Variants in RELL1 observed in about 807,000 individuals in gnomAD.
RELL1 encodes the protein RELT-like protein 1.
In RELL1, 10 loss-of-function variants were observed where a neutral mutation model predicts 23.0. That is an observed-to-expected ratio of 0.43 (90% confidence interval 0.27 to 0.74). RELL1 has a LOEUF of 0.74. RELL1 is among the 30% of genes least tolerant of loss of function. The pLI is 0.19. For missense variants in RELL1, 315 were observed against 364.4 expected (o/e 0.86, Z 1.10); for synonymous variants, 146 against 146.8 (o/e 0.99, Z 0.04).
In RELL1 at chr4:37,679,307, T is replaced by G. The variant is rs567858957; in HGVS notation, c.88+6893A>C. Among the ~76,000 whole-genome samples, 5 of 152,362 alleles carry G rather than the reference T, an allele frequency of 3.3e-5. No individual in the cohort carries two copies. In the East Asian group the frequency reaches 5.8e-4, roughly 18 times the overall value. On this transcript the variant is annotated intron_variant, in intron 1 of 6. Transcript: ENST00000454158. ...TGGAATAAACAAAATCTTAGTTTTT[T>G]GGGGGTACCCTTATTTTCTTAGATT...
At chr4:37,625,769 CA>C (rs1403941551) in intron 6 of RELL1, among the ~76,000 whole-genome samples, 1 of 151,854 alleles carries the variant, frequency 6.6e-6, no homozygotes, top group Non-Finnish European at 1.5e-5. Context: ...ATCCTCACCA[CA>C]AAAAAATGAT....
At chr4:37,672,521 T>G (rs1027044652) in intron 1 of RELL1, among the ~76,000 whole-genome samples, 2 of 152,134 alleles carry the variant, frequency 1.3e-5, no homozygotes, top group Non-Finnish European at 2.9e-5. Context: ...AGATCAACCT[T>G]CTCAATCACA....
At chr4:37,595,412 T>G (rs1718798887) in intron 6 of RELL1, among the ~76,000 whole-genome samples, 2 of 152,200 alleles carry the variant, frequency 1.3e-5, no homozygotes, top group African/African-American at 4.8e-5. Flanking sequence ...ACTAAAAAAA[T>G]GCGTTTGGCC....
At chr4:37,639,447 A>G (rs1336365716) in intron 3 of RELL1, among the ~76,000 whole-genome samples, 1 of 151,868 alleles carries the variant, frequency 6.6e-6, no homozygotes, top group South Asian at 2.1e-4. Context: ...TATGTAATAT[A>G]CGCTAACTTT....
intron 6 of RELL1, among the ~76,000 whole-genome samples, chr4:37,625,453 C>A (rs1454804996): frequency 2.0e-5 from 3 of 152,082 alleles, no homozygotes; most frequent in Admixed American, 2.0e-4. Flanking sequence ...TATTTGCAAA[C>A]CATACATCTT....
Position 37,638,500 on chromosome 4 carries a change from A to T in RELL1, c.390T>A (p.Asn130Lys), listed in dbSNP as rs1408472850. 6.2e-7 allele frequency: 1 copy of T among 1,609,822 alleles called. No homozygotes were observed. Among genetic ancestry groups the T allele is most frequent in the Non-Finnish European group, 8.5e-7 (1 of 1,176,696 alleles). Residue 130 changes from asparagine (N) to lysine (K), a missense_variant, in exon 4 of 7, where the codon AAT becomes AAA. Coordinates refer to ENST00000454158, the MANE Select transcript of RELL1 (RefSeq NM_001085400.2). ...CTACCATCGCCTTTAAGACATCAGC[A>T]TTCGCTAAGGAATAAAAATAAAATT... ...IVHYIMKNEA[N>K]ADVLKAMVAD...
chr4:37,660,780 C>T (rs1379005596), intron 1 of RELL1, among the ~76,000 whole-genome samples: 4 of 152,118 alleles, frequency 2.6e-5, no homozygotes, highest in African/African-American at 9.7e-5. Context: ...GCCTGTAATC[C>T]CAGCACTTTG....
At chr4:37,616,954 C>T (rs561922068) in intron 6 of RELL1, among the ~76,000 whole-genome samples, 1 of 152,376 alleles carries the variant, frequency 6.6e-6, no homozygotes, top group East Asian at 1.9e-4. Context: ...AATCACATCA[C>T]AGAGTATTCA....
chr4:37,611,992 G>A lies in RELL1; in HGVS notation c.*1354C>T, dbSNP rs111985945. Among the ~76,000 whole-genome samples, 14,262 of 150,992 alleles carry A rather than the reference G, an allele frequency of 0.094. 738 individuals are homozygous for A. The highest frequency in any genetic ancestry group is 0.13 in the African/African-American group (5,515 of 41,108). On this transcript the variant is annotated 3_prime_UTR_variant, in exon 7 of 7. Coordinates refer to ENST00000454158, the MANE Select transcript of RELL1 (RefSeq NM_001085400.2). ...AGATCGAGACCATCTTCGCTAATGC[G>A]GTGAAACCCCGTCTCTCCTAAAAAT...
chr4:37,604,787 A>G (rs1577557756), intron 6 of RELL1, among the ~76,000 whole-genome samples: 2 of 90,150 alleles, frequency 2.2e-5, no homozygotes, highest in East Asian at 9.6e-4. Context: ...ACACACACAG[A>G]CACACACACA....
chr4:37,607,754 CT>C (rs914984879), downstream of RELL1, among the ~76,000 whole-genome samples: 3 of 151,306 alleles, frequency 2.0e-5, no homozygotes, highest in Middle Eastern at 3.4e-3. Context: ...TAATTTTTTT[CT>C]TTTTTTTGTA....
At chr4:37,634,338 T>A (rs1278118816) in intron 5 of RELL1, among the ~76,000 whole-genome samples, 1 of 152,240 alleles carries the variant, frequency 6.6e-6, no homozygotes, top group African/African-American at 2.4e-5. Context: ...CCCTTGCACA[T>A]GGCTTGATGC....
chr4:37,603,607 C>A (rs1325750186), intron 6 of RELL1, among the ~76,000 whole-genome samples: 1 of 152,178 alleles, frequency 6.6e-6, no homozygotes. Context: ...GGGTTCCCCG[C>A]CTTTTGGGGT....
chr4:37,593,323 G>A (rs1228210032), intron 6 of RELL1, among the ~76,000 whole-genome samples: 1 of 152,058 alleles, frequency 6.6e-6, no homozygotes, highest in Non-Finnish European at 1.5e-5. Flanking sequence ...ATGTATCACT[G>A]GCCCGTGTAT....
Position 37,668,264 on chromosome 4 carries a change from G to C in RELL1, c.88+17936C>G, listed in dbSNP as rs546144539. On this transcript the variant is annotated intron_variant, in intron 1 of 6. Transcript: ENST00000454158. ...CTTTCCACGGTCTCCCTCTGATACCGAGCCGAAGCTGGACTGTACTGCTGC... is the reference window on the plus strand; with the variant it reads ...CTTTCCACGGTCTCCCTCTGATACCCAGCCGAAGCTGGACTGTACTGCTGC... Among the ~76,000 whole-genome samples the C allele has an allele frequency of 4.3e-3, 526 of 122,960 alleles. 4 individuals are homozygous for C. Among genetic ancestry groups the C allele is most frequent in the African/African-American group, 0.014 (459 of 32,614 alleles). 80.7% of individuals were successfully genotyped at this position (122,960 alleles called of 152,430 possible).
Position 37,686,336 on chromosome 4 carries a change from G to GGGAAGGCAGAGCCGCTCC in RELL1, c.-67_-50dup. The GGGAAGGCAGAGCCGCTCC allele has an allele frequency of 7.1e-6, 10 of 1,410,704 alleles. No individual in the cohort carries two copies. The highest frequency in any genetic ancestry group is 9.4e-6 in the Non-Finnish European group (10 of 1,069,038). 87.4% of individuals were successfully genotyped at this position (1,410,704 alleles called of 1,614,324 possible). A position where few individuals can be genotyped will look rare whatever the true frequency, so the allele number is the denominator to read the frequency against. Reference sequence around the variant, plus strand: ...CCCCAGGGCGCCGCGTCCCGCGCTCGGGAAGGCAGAGCCGCTCCGGAGCCG... The same window carrying GGGAAGGCAGAGCCGCTCC: ...CCCCAGGGCGCCGCGTCCCGCGCTCGGGAAGGCAGAGCCGCTCCGGAAGGCAGAGCCGCTCCGGAGCCG... On this transcript the variant is annotated 5_prime_UTR_variant, in exon 1 of 7. Transcript: ENST00000454158.
At chr4:37,679,425 A>C (rs1273230377) in intron 1 of RELL1, among the ~76,000 whole-genome samples, 1 of 152,166 alleles carries the variant, frequency 6.6e-6, no homozygotes, top group Non-Finnish European at 1.5e-5. Context: ...TACTTTGAGC[A>C]GTTTTATATT....
chr4:37,590,577 G>T (rs867130985), downstream of RELL1: 1 of 1,614,160 alleles, frequency 6.2e-7, no homozygotes, highest in African/African-American at 1.3e-5. Flanking sequence ...GTTTTGCCTT[G>T]GAAGTACAAG....
intron 3 of RELL1, among the ~76,000 whole-genome samples, chr4:37,646,453 G>A (rs1720714297): frequency 2.0e-5 from 3 of 152,176 alleles, no homozygotes; most frequent in Non-Finnish European, 2.9e-5. Flanking sequence ...GGAATGGGGA[G>A]TGGCTGCCTA....
Sources: gnomAD v4.1 joint callset for allele counts (sites outside exome capture counted in the v4.1 genomes callset) on GRCh38, gnomAD v4.1.1 for gene constraint, MANE v1.5 for transcripts, NCBI Gene and HGNC (gene_info 2026-07-23, HGNC 2026-07-21) for gene names.